Variants in DIPK2A observed in about 807,000 individuals in gnomAD.
DIPK2A encodes divergent protein kinase domain 2A.
A neutral mutation model predicts 39.0 loss-of-function variants in DIPK2A; 27 were observed. That is an observed-to-expected ratio of 0.69 (90% CI 0.51 to 0.96). The LOEUF is 0.96. Among genes scored for constraint, DIPK2A ranks in the 40% least tolerant of loss-of-function variants. The pLI is 0.00. For synonymous variants in DIPK2A, 298 were observed against 240.8 expected (o/e 1.24, Z -2.20); for missense variants, 528 against 571.3 (o/e 0.92, Z 0.77).
intron 1 of DIPK2A, among the ~76,000 whole-genome samples, chr3:143,985,171 A>C (rs1385885550): frequency 6.6e-6 from 1 of 152,256 alleles, no homozygotes; most frequent in Non-Finnish European, 1.5e-5. Flanking sequence ...CAGTGCTATC[A>C]GTTTAAATAA....
chr3:143,972,284 G>C lies in DIPK2A; in HGVS notation c.-49G>C, dbSNP rs2087660873. On this transcript the variant is annotated 5_prime_UTR_variant, in exon 1 of 3. Transcript: ENST00000315691. ...AGCTCTCCGGGTCTTGGCGCGGCGG[G>C]GGCGCCCCGGGGGTGCCCTCGCCCT... The C allele has an allele frequency of 1.5e-6, 2 of 1,337,680 alleles. No individual in the cohort carries two copies. The highest frequency in any genetic ancestry group is 4.0e-5 in the South Asian group (2 of 49,420). 82.9% of individuals were successfully genotyped at this position (1,337,680 alleles called of 1,614,324 possible).
In DIPK2A at chr3:143,972,276, C is replaced by G. The variant is rs373697859; in HGVS notation, c.-57C>G. On this transcript the variant is annotated 5_prime_UTR_variant, in exon 1 of 3. Transcript: ENST00000315691. ...CTGCCGGTAGCTCTCCGGGTCTTGGCGCGGCGGGGGCGCCCCGGGGGTGCC... is the reference window on the plus strand; with the variant it reads ...CTGCCGGTAGCTCTCCGGGTCTTGGGGCGGCGGGGGCGCCCCGGGGGTGCC... 2.3e-6 allele frequency: 3 copies of G among 1,332,218 alleles called. No homozygotes were observed. The highest frequency in any genetic ancestry group is 3.0e-5 in the East Asian group (1 of 33,432). 82.5% of individuals were successfully genotyped at this position (1,332,218 alleles called of 1,614,324 possible). A position where few individuals can be genotyped will look rare whatever the true frequency, so the allele number is the denominator to read the frequency against.
In DIPK2A at chr3:143,972,719, C is replaced by G; in HGVS notation, c.387C>G (p.Ala129=). ...AQLDQSICKR[A]TGRPRCDLLQ... is the part of the protein sequence containing the mutation. ...TCGACCAGAGCATCTGCAAGCGGGCCACCGGCCGGCCCCGCTGCGACCTGC... is the reference window on the plus strand; with the variant it reads ...TCGACCAGAGCATCTGCAAGCGGGCGACCGGCCGGCCCCGCTGCGACCTGC... Residue 129 remains alanine (A), a synonymous_variant, in exon 1 of 3, where the codon GCC becomes GCG. Transcript: ENST00000315691. 1 of 1,595,368 alleles carries G rather than the reference C, an allele frequency of 6.3e-7. No individual in the cohort carries two copies. Among genetic ancestry groups the G allele is most frequent in the Non-Finnish European group, 8.5e-7 (1 of 1,172,908 alleles).
At chr3:143,988,860 C>T (rs146480152) in intron 2 of DIPK2A, among the ~76,000 whole-genome samples, 3 of 152,290 alleles carry the variant, frequency 2.0e-5, no homozygotes, top group African/African-American at 2.4e-5. Flanking sequence ...GCTTTTCATT[C>T]TGGGCCATCT....
At chr3:143,981,389 G>A (rs1424666323) in intron 1 of DIPK2A, among the ~76,000 whole-genome samples, 1 of 152,070 alleles carries the variant, frequency 6.6e-6, no homozygotes, top group African/African-American at 2.4e-5. Context: ...CTTACCGCAA[G>A]TCATTTCCCC....
intron 1 of DIPK2A, among the ~76,000 whole-genome samples, chr3:143,978,024 CCATTG>C (rs2087755441): frequency 6.6e-6 from 1 of 152,016 alleles, no homozygotes; most frequent in African/African-American, 2.4e-5. Context: ...CTTTATATTT[CCATTG>C]CATAGGTTAG....
rs1025770729 is a variant in DIPK2A, at chr3:143,989,832, CGTGAGGTAGTCTATG to C, written c.1289_*10del. ...AATACCTAGCACAATTAAGTAACAA[CGTGAGGTAGTCTATG>C]GTGAACTTTTCTTTTTTTCTCCATT... On this transcript the variant is annotated stop_lost and 3_prime_UTR_variant, in exon 3 of 3. Coordinates refer to ENST00000315691, the MANE Select transcript of DIPK2A (RefSeq NM_173552.5). 3 of 1,610,846 alleles carry C rather than the reference CGTGAGGTAGTCTATG, an allele frequency of 1.9e-6. No homozygotes were observed. Among genetic ancestry groups the C allele is most frequent in the African/African-American group, 1.3e-5 (1 of 74,888 alleles).
intron 1 of DIPK2A, chr3:143,973,346 C>G (rs2087685873): frequency 2.6e-6 from 4 of 1,542,580 alleles, no homozygotes; most frequent in Non-Finnish European, 2.6e-6. Flanking sequence ...CCGGGGCTTG[C>G]AGGTCCGCGG....
chr3:143,983,660 CAACA>C (rs1364756952), intron 1 of DIPK2A, among the ~76,000 whole-genome samples: 1 of 151,886 alleles, frequency 6.6e-6, no homozygotes, highest in Non-Finnish European at 1.5e-5. Context: ...GGAGAAGCAA[CAACA>C]AACAAATTCT....
In DIPK2A at chr3:143,990,578, C is replaced by T. The variant is rs992120709; in HGVS notation, c.*737C>T. The T allele has an allele frequency of 6.6e-6, 1 of 152,346 alleles. No individual in the cohort carries two copies. The highest frequency in any genetic ancestry group is 1.5e-5 in the Non-Finnish European group (1 of 67,940). The allele number at this position is 152,346 out of a possible 1,614,324, so 9.4% of individuals were successfully genotyped here. Reference sequence around the variant, plus strand: ...CCAATAATTAGAAGTGTACACTAAACATGAAGTTTGGCATATGTTGCAAAA... The same window carrying T: ...CCAATAATTAGAAGTGTACACTAAATATGAAGTTTGGCATATGTTGCAAAA... On this transcript the variant is annotated 3_prime_UTR_variant, in exon 3 of 3. Transcript: ENST00000315691.
chr3:143,989,738 C>G lies in DIPK2A; in HGVS notation c.1190C>G (p.Ala397Gly). 3.1e-6 allele frequency: 5 copies of G among 1,614,224 alleles called. No homozygotes were observed. Among genetic ancestry groups the G allele is most frequent in the Non-Finnish European group, 4.2e-6 (5 of 1,180,036 alleles). Reference sequence around the variant, plus strand: ...ATTGCCAAAGATGGCCGGCTCGAGGCCTTGCTGGATGAGTGTGCCAACCCA... The same window carrying G: ...ATTGCCAAAGATGGCCGGCTCGAGGGCTTGCTGGATGAGTGTGCCAACCCA... ...SEIAKDGRLEALLDECANPKK... is the reference protein window; with the variant it reads ...SEIAKDGRLEGLLDECANPKK... Residue 397 changes from alanine (A) to glycine (G), a missense_variant, in exon 3 of 3, where the codon GCC (alanine) becomes GGC (glycine). Physicochemically the swap from Ala to Gly is moderately conservative, Grantham distance 60. Around this residue, in one of 2 missense-constraint regions of DIPK2A, gnomAD observed 219 missense variants for 281.5 expected, o/e 0.78. Coordinates refer to ENST00000315691, the MANE Select transcript of DIPK2A (RefSeq NM_173552.5).
rs1576803459 is a variant in DIPK2A at position 143,972,274 on chromosome 3, G to A, written c.-59G>A. ...TCCTGCCGGTAGCTCTCCGGGTCTT[G>A]GCGCGGCGGGGGCGCCCCGGGGGTG... On this transcript the variant is annotated 5_prime_UTR_variant, in exon 1 of 3. Transcript: ENST00000315691. 1.5e-6 allele frequency: 2 copies of A among 1,333,346 alleles called. No homozygotes were observed. The highest frequency in any genetic ancestry group is 3.0e-5 in the East Asian group (1 of 33,426). 82.6% of individuals were successfully genotyped at this position (1,333,346 alleles called of 1,614,324 possible).
chr3:143,972,347 GC>G lies in DIPK2A; in HGVS notation c.20del (p.Pro7ArgfsTer10). The G allele has an allele frequency of 7.4e-7, 1 of 1,354,182 alleles. No homozygotes were observed. Among genetic ancestry groups the G allele is most frequent in the Non-Finnish European group, 9.5e-7 (1 of 1,056,504 alleles). 83.9% of individuals were successfully genotyped at this position (1,354,182 alleles called of 1,614,324 possible). A position where few individuals can be genotyped will look rare whatever the true frequency, so the allele number is the denominator to read the frequency against. On this transcript the variant is annotated frameshift_variant, in exon 1 of 3. Coordinates refer to ENST00000315691, the MANE Select transcript of DIPK2A (RefSeq NM_173552.5). LOFTEE classifies it high-confidence loss of function. Reference sequence around the variant, plus strand: ...GGGCGGGCGGTATGTGGCGCCTGGTGCCCCCGAAGCTGGGCCGCCTGTCCCG... The same window carrying G: ...GGGCGGGCGGTATGTGGCGCCTGGTGCCCCGAAGCTGGGCCGCCTGTCCCG... MWRLV[P>X]PKLGRLSRSL... is the part of the protein sequence containing the mutation.
At chr3:143,982,582 A>C (rs2087841448) in intron 1 of DIPK2A, among the ~76,000 whole-genome samples, 1 of 152,194 alleles carries the variant, frequency 6.6e-6, no homozygotes, top group Non-Finnish European at 1.5e-5. Context: ...CCTGCCTTAC[A>C]AGACCTCCTG....
intron 2 of DIPK2A, among the ~76,000 whole-genome samples, chr3:143,988,090 C>G (rs2087930975): frequency 6.6e-6 from 1 of 151,604 alleles, no homozygotes; most frequent in African/African-American, 2.4e-5. Flanking sequence ...TGACTTGGCC[C>G]TCTTCTGATC....
In DIPK2A at chr3:143,972,620, C is replaced by A; in HGVS notation, c.288C>A (p.Tyr96Ter). The change falls in exon 1 of 3, where the codon TAC (tyrosine) becomes TAA (stop). Residue 96 changes from tyrosine (Y) to a stop codon, truncating the protein, a stop_gained. Coordinates refer to ENST00000315691, the MANE Select transcript of DIPK2A (RefSeq NM_173552.5). LOFTEE classifies it high-confidence loss of function. The part of the protein sequence containing the change: ...LNVKNVYFAQ[Y>*]GEPREGGRRR... The stretch of plus-strand genomic sequence containing the variant: ...TGAAGAACGTGTACTTCGCGCAGTA[C>A]GGCGAGCCCCGCGAGGGCGGCCGCC... 6.2e-7 allele frequency: 1 copy of A among 1,611,860 alleles called. No homozygotes were observed. The highest frequency in any genetic ancestry group is 8.5e-7 in the Non-Finnish European group (1 of 1,179,570).
chr3:143,984,716 C>T (rs2107846174), intron 1 of DIPK2A, among the ~76,000 whole-genome samples: 2 of 151,974 alleles, frequency 1.3e-5, no homozygotes, highest in East Asian at 3.9e-4. Flanking sequence ...GATAATCCTG[C>T]CAGTAGTTTT....
chr3:143,981,410 C>G (rs1221503849), intron 1 of DIPK2A, among the ~76,000 whole-genome samples: 1 of 152,180 alleles, frequency 6.6e-6, no homozygotes, highest in African/African-American at 2.4e-5. Context: ...ATTCATTTCA[C>G]TGCAGCTGCT....
intron 1 of DIPK2A, among the ~76,000 whole-genome samples, chr3:143,979,946 C>A (rs1326819310): frequency 6.6e-6 from 1 of 152,082 alleles, no homozygotes; most frequent in Admixed American, 6.5e-5. Context: ...TATGCTAGGA[C>A]TTAAAAATCT....
Sources: gnomAD v4.1 joint callset for allele counts (sites outside exome capture counted in the v4.1 genomes callset) on GRCh38, gnomAD v4.1.1 for gene constraint, gnomAD v4.1.1 regional missense constraint, MANE v1.5 for transcripts, NCBI Gene and HGNC (gene_info 2026-07-23, HGNC 2026-07-21) for gene names.